Variants in DPYD observed in about 807,000 individuals in gnomAD.
The protein encoded by DPYD is dihydropyrimidine dehydrogenase [NADP(+)].
DPYD carries 109 observed loss-of-function variants against 116.2 expected under a neutral mutation model. The ratio of observed to expected loss-of-function variants is 0.94; its 90% CI spans 0.80 to 1.10. The LOEUF (loss-of-function observed/expected upper bound fraction) is 1.10, where lower values mean the gene tolerates loss of function less well. Ranked by LOEUF, DPYD falls within the 50% of genes least tolerant of loss-of-function variation. The pLI, the probability that DPYD is intolerant of heterozygous loss-of-function variation, is 0.00. For synonymous variants in DPYD, 440 were observed against 432.0 expected (o/e 1.02, Z -0.23); for missense variants, 1,302 against 1,254.5 (o/e 1.04, Z -0.57).
intron 2 of DPYD, among the ~76,000 whole-genome samples, chr1:97,876,909 T>C (rs1048866891): frequency 1.6e-4 from 25 of 151,978 alleles, no homozygotes; most frequent in African/African-American, 6.0e-4. Flanking sequence ...ACCCAGTCTA[T>C]ATAAATATTT....
chr1:97,510,261 C>G (rs1355086122), intron 13 of DPYD, among the ~76,000 whole-genome samples: 1 of 151,872 alleles, frequency 6.6e-6, no homozygotes, highest in Non-Finnish European at 1.5e-5. Flanking sequence ...ATCCCTGGAG[C>G]AAGAGGCCCT....
At position 97,893,198 on chromosome 1, in the gene DPYD, G is replaced by A. The variant is rs1199799034; in HGVS notation, c.40-9824C>T. Among the ~76,000 whole-genome samples the A allele has an allele frequency of 2.6e-5, 4 of 151,156 alleles. No individual in the cohort carries two copies. The South Asian group carries it at 8.3e-4, about 31-fold the overall frequency. On this transcript the variant is annotated intron_variant, in intron 1 of 22. Coordinates refer to ENST00000370192, the MANE Select transcript of DPYD (RefSeq NM_000110.4). The stretch of plus-strand genomic sequence containing the variant: ...TTTTAAGTACAGGAATATAGAAAAA[G>A]GATGAAGACAACAGGTGAGAAAATA...
intron 18 of DPYD, among the ~76,000 whole-genome samples, chr1:97,267,053 G>A (rs941770862): frequency 1.3e-5 from 2 of 152,070 alleles, no homozygotes; most frequent in African/African-American, 2.4e-5. Context: ...CCCGTAATGG[G>A]ATCACTGGGT....
chr1:97,505,701 T>C (rs937576812), intron 13 of DPYD, among the ~76,000 whole-genome samples: 1 of 151,778 alleles, frequency 6.6e-6, no homozygotes. Flanking sequence ...AAAAATAGTA[T>C]ATATAAAAGG....
chr1:97,445,999 T>A (rs987469789), intron 14 of DPYD, among the ~76,000 whole-genome samples: 1 of 152,266 alleles, frequency 6.6e-6, no homozygotes, highest in African/African-American at 2.4e-5. Flanking sequence ...AGTGCTGGGA[T>A]TACAGGCATG....
At chr1:97,442,972 G>A (rs377611615) in intron 14 of DPYD, among the ~76,000 whole-genome samples, 4 of 152,178 alleles carry the variant, frequency 2.6e-5, no homozygotes, top group African/African-American at 9.6e-5. Context: ...AATAATTACC[G>A]TGTGTCAAAA....
At chr1:97,917,619 G>A (rs1230050517) in intron 1 of DPYD, among the ~76,000 whole-genome samples, 1 of 152,154 alleles carries the variant, frequency 6.6e-6, no homozygotes, top group East Asian at 1.9e-4. Flanking sequence ...TAGGGTAAAT[G>A]TGAATTAAGT....
intron 7 of DPYD, among the ~76,000 whole-genome samples, chr1:97,681,817 C>T (rs975052234): frequency 6.6e-6 from 1 of 152,110 alleles, no homozygotes; most frequent in Admixed American, 6.5e-5. Context: ...CAGGTCCAAA[C>T]ATTCTAATAG....
chr1:97,760,656 G>A (rs188075675), intron 3 of DPYD, among the ~76,000 whole-genome samples: 28 of 152,168 alleles, frequency 1.8e-4, no homozygotes, highest in East Asian at 7.7e-4. Context: ...CTTGGTGGAC[G>A]ACTATAATGT....
chr1:97,313,911 T>C (rs1667660753), intron 16 of DPYD, among the ~76,000 whole-genome samples: 1 of 151,974 alleles, frequency 6.6e-6, no homozygotes, highest in Non-Finnish European at 1.5e-5. Flanking sequence ...GCCTGGTACA[T>C]GAAAGACAAT....
At chr1:97,292,722 GCACACA>G (rs71765073) in intron 18 of DPYD, among the ~76,000 whole-genome samples, 156 of 149,932 alleles carry the variant, frequency 1.0e-3, no homozygotes, top group Middle Eastern at 3.4e-3. Flanking sequence ...ACACGCGCGA[GCACACA>G]CACACACACA....
intron 13 of DPYD, among the ~76,000 whole-genome samples, chr1:97,467,137 A>G (rs1677374913): frequency 6.6e-6 from 1 of 152,214 alleles, no homozygotes; most frequent in Admixed American, 6.5e-5. Context: ...ACTAACGATA[A>G]AATATGTCTC....
intron 18 of DPYD, among the ~76,000 whole-genome samples, chr1:97,238,381 C>T (rs1662097159): frequency 1.3e-5 from 2 of 151,998 alleles, no homozygotes; most frequent in African/African-American, 4.8e-5. Flanking sequence ...TCTACCTGTT[C>T]TCAGCATTTT....
intron 18 of DPYD, among the ~76,000 whole-genome samples, chr1:97,246,470 G>A (rs976883582): frequency 6.6e-6 from 1 of 152,118 alleles, no homozygotes; most frequent in Non-Finnish European, 1.5e-5. Flanking sequence ...ACTTCAGTTG[G>A]GCTCTTGAAA....
At chr1:97,318,899 A>G (rs918648161) in intron 16 of DPYD, among the ~76,000 whole-genome samples, 1 of 148,574 alleles carries the variant, frequency 6.7e-6, no homozygotes, top group African/African-American at 2.5e-5. Flanking sequence ...CAACAGTGCA[A>G]TCAAACTAGA....
At chr1:97,157,400 A>C (rs969795588) in intron 20 of DPYD, among the ~76,000 whole-genome samples, 2 of 152,130 alleles carry the variant, frequency 1.3e-5, no homozygotes, top group African/African-American at 4.8e-5. Flanking sequence ...GTGTATTACC[A>C]TCATCTTGCC....
rs888158123 is a variant in DPYD at position 97,523,400 on chromosome 1, T to A, written c.1525-7459A>T. On this transcript the variant is annotated intron_variant, in intron 12 of 22. Transcript: ENST00000370192. Reference sequence around the variant, plus strand: ...TTTTATTCACTTACAATAAAATTTCTAAAAATTAACTCCATGACAAGTATA... The same window carrying A: ...TTTTATTCACTTACAATAAAATTTCAAAAAATTAACTCCATGACAAGTATA... Among the ~76,000 whole-genome samples, 6 of 152,210 alleles carry A rather than the reference T, an allele frequency of 3.9e-5. No homozygotes were observed. The South Asian group carries it at 1.2e-3, about 32-fold the overall frequency.
intron 8 of DPYD, among the ~76,000 whole-genome samples, chr1:97,653,409 A>G (rs1290940563): frequency 2.0e-5 from 3 of 150,480 alleles, no homozygotes; most frequent in Non-Finnish European, 4.4e-5. Context: ...GGTTCAAGCG[A>G]TTCTCCTGCC....
intron 4 of DPYD, among the ~76,000 whole-genome samples, chr1:97,734,243 A>T (rs1469771251): frequency 6.6e-6 from 1 of 152,130 alleles, no homozygotes; most frequent in Non-Finnish European, 1.5e-5. Flanking sequence ...CCTATGAAAG[A>T]TTCTAAAAGT....
Sources: gnomAD v4.1 joint callset for allele counts (sites outside exome capture counted in the v4.1 genomes callset) on GRCh38, gnomAD v4.1.1 for gene constraint, MANE v1.5 for transcripts, NCBI Gene and HGNC (gene_info 2026-07-23, HGNC 2026-07-21) for gene names.